CFAP299: variants seen among roughly 807,000 people sequenced by gnomAD.
CFAP299 encodes the protein cilia- and flagella-associated protein 299.
In CFAP299, 21 loss-of-function variants were observed where a neutral mutation model predicts 27.0. The ratio of observed to expected loss-of-function variants is 0.78; its 90% CI spans 0.55 to 1.12. CFAP299 has a LOEUF of 1.12. CFAP299 is among the 50% of genes most tolerant of loss of function. CFAP299 has a pLI of 0.00. For missense variants in CFAP299, 310 were observed against 276.6 expected (o/e 1.12, Z -0.86); for synonymous variants, 104 against 98.1 (o/e 1.06, Z -0.36).
intron 3 of CFAP299, among the ~76,000 whole-genome samples, chr4:80,732,584 T>A (rs1303129565): frequency 6.6e-6 from 1 of 152,204 alleles, no homozygotes; most frequent in Non-Finnish European, 1.5e-5. Context: ...CTAATGGTCC[T>A]TATCTTTCTC....
At chr4:80,520,610 T>C (rs6534992) in intron 2 of CFAP299, among the ~76,000 whole-genome samples, 58,549 of 152,094 alleles carry the variant, frequency 0.38, 14,636 homozygotes, top group African/African-American at 0.71. Flanking sequence ...TCCCAACGTA[T>C]TGAGGCAAGT....
intron 2 of CFAP299, among the ~76,000 whole-genome samples, chr4:80,473,633 C>A (rs924157968): frequency 6.6e-6 from 1 of 151,940 alleles, no homozygotes; most frequent in East Asian, 1.9e-4. Flanking sequence ...TACAGTGGTG[C>A]GATCACAGCT....
intron 3 of CFAP299, among the ~76,000 whole-genome samples, chr4:80,869,447 A>G (rs193297088): frequency 6.6e-6 from 1 of 152,280 alleles, no homozygotes; most frequent in African/African-American, 2.4e-5. Context: ...CATAATAACA[A>G]CTAATTGTTA....
intron 2 of CFAP299, among the ~76,000 whole-genome samples, chr4:80,448,159 GT>G (rs1233083285): frequency 6.6e-6 from 1 of 152,238 alleles, no homozygotes; most frequent in Admixed American, 6.5e-5. Flanking sequence ...AATAAAGTGA[GT>G]TTTCTTCTGG....
chr4:80,500,909 T>A (rs1731709536), intron 2 of CFAP299, among the ~76,000 whole-genome samples: 2 of 152,142 alleles, frequency 1.3e-5, no homozygotes, highest in African/African-American at 4.8e-5. Flanking sequence ...ACTTTAGATT[T>A]CCTGGATCTT....
At chr4:80,876,974 C>A (rs75371215) in intron 4 of CFAP299, among the ~76,000 whole-genome samples, 1 of 152,086 alleles carries the variant, frequency 6.6e-6, no homozygotes, top group Admixed American at 6.5e-5. Context: ...CAGAAAACAC[C>A]CCTTTGTACT....
At chr4:80,926,451 T>C (rs1736310492) in intron 4 of CFAP299, among the ~76,000 whole-genome samples, 1 of 152,026 alleles carries the variant, frequency 6.6e-6, no homozygotes, top group African/African-American at 2.4e-5. Context: ...GTGAAGCTAT[T>C]GTATTAATTC....
upstream of CFAP299, among the ~76,000 whole-genome samples, chr4:80,334,984 T>C (rs1237263242): frequency 6.6e-6 from 1 of 152,262 alleles, no homozygotes; most frequent in African/African-American, 2.4e-5. Flanking sequence ...AGATTGGTTC[T>C]GAACATATTT....
At chr4:80,444,401 C>T (rs2110089762) in intron 2 of CFAP299, among the ~76,000 whole-genome samples, 1 of 152,232 alleles carries the variant, frequency 6.6e-6, no homozygotes, top group South Asian at 2.1e-4. Context: ...TGATCTTTGA[C>T]AAACCTGACA....
At chr4:80,657,299 G>C (rs1182448182) in intron 3 of CFAP299, among the ~76,000 whole-genome samples, 1 of 152,026 alleles carries the variant, frequency 6.6e-6, no homozygotes, top group African/African-American at 2.4e-5. Context: ...TGAAGTCTTT[G>C]CCCATGCCTA....
intron 2 of CFAP299, among the ~76,000 whole-genome samples, chr4:80,494,882 G>T (rs1731356201): frequency 6.6e-6 from 1 of 152,132 alleles, no homozygotes; most frequent in South Asian, 2.1e-4. Context: ...AAAAGAGAGG[G>T]CTACAGGCCC....
At chr4:80,899,280 T>C (rs962924735) in intron 4 of CFAP299, among the ~76,000 whole-genome samples, 1 of 152,224 alleles carries the variant, frequency 6.6e-6, no homozygotes, top group Non-Finnish European at 1.5e-5. Context: ...CTATGAGATG[T>C]AGCTAGATAT....
At chr4:80,828,402 AT>A (rs1253229095) in intron 3 of CFAP299, among the ~76,000 whole-genome samples, 1 of 152,012 alleles carries the variant, frequency 6.6e-6, no homozygotes, top group Non-Finnish European at 1.5e-5. Flanking sequence ...TGGTCAAATG[AT>A]TTTTCACAAG....
chr4:80,376,132 G>C (rs1724396388), intron 2 of CFAP299, among the ~76,000 whole-genome samples: 1 of 152,000 alleles, frequency 6.6e-6, no homozygotes, highest in African/African-American at 2.4e-5. Flanking sequence ...TGTCCCTATA[G>C]TTTTGCCTTT....
chr4:80,944,713 T>C, intron 4 of CFAP299, 97 bp from the exon 5 acceptor site: 1 of 852,100 alleles, frequency 1.2e-6, no homozygotes, highest in Non-Finnish European at 1.8e-6. Context: ...TGTATCCACT[T>C]ATCTTATGAC....
intron 2 of CFAP299, among the ~76,000 whole-genome samples, chr4:80,420,964 T>C (rs1294085127): frequency 6.6e-6 from 1 of 152,196 alleles, no homozygotes; most frequent in Non-Finnish European, 1.5e-5. Flanking sequence ...TCTTGGCCTT[T>C]CCATGCTCCT....
At chr4:80,935,912 GAC>G (rs1736866074) in intron 4 of CFAP299, among the ~76,000 whole-genome samples, 1 of 151,966 alleles carries the variant, frequency 6.6e-6, no homozygotes, top group South Asian at 2.1e-4. Context: ...CATGAACAGA[GAC>G]ACTTTACAAA....
intron 4 of CFAP299, among the ~76,000 whole-genome samples, chr4:80,931,984 C>A (rs1736648988): frequency 6.6e-6 from 1 of 152,160 alleles, no homozygotes; most frequent in Non-Finnish European, 1.5e-5. Context: ...TTGCTCTTAG[C>A]AGGGAATCTT....
chr4:80,872,919 TTC>T, intron 4 of CFAP299: 10 of 772,770 alleles, frequency 1.3e-5, no homozygotes, highest in Non-Finnish European at 1.5e-5. Flanking sequence ...GTAGTTCTTC[TTC>T]TTTTTTTTTT....
Sources: gnomAD v4.1 joint callset for allele counts (sites outside exome capture counted in the v4.1 genomes callset) on GRCh38, gnomAD v4.1.1 for gene constraint, MANE v1.5 for transcripts, NCBI Gene and HGNC (gene_info 2026-07-23, HGNC 2026-07-21) for gene names.